SLCO2B1: variants seen among roughly 807,000 people sequenced by gnomAD.
SLCO2B1 encodes the protein solute carrier organic anion transporter family member 2B1.
Under a neutral mutation model 67.3 loss-of-function variants are expected in SLCO2B1, and 41 were observed. The observed-to-expected ratio is 0.61, with a 90% CI of 0.47 to 0.79. The LOEUF (loss-of-function observed/expected upper bound fraction) is 0.79, where lower values mean the gene tolerates loss of function less well. Among genes scored for constraint, SLCO2B1 ranks in the 30% least tolerant of loss-of-function variants. The pLI is 0.00. For missense variants in SLCO2B1, 837 were observed against 920.1 expected, an observed-to-expected ratio of 0.91 and a Z score of 1.17; for synonymous variants, 379 against 381.4, an observed-to-expected ratio of 0.99 and a Z score of 0.07.
rs752763309 is a variant in SLCO2B1 at position 75,188,188 on chromosome 11, A to G, written c.1025A>G (p.Asp342Gly). 6.2e-7 allele frequency: 1 copy of G among 1,614,142 alleles called. No individual in the cohort carries two copies. The highest frequency in any genetic ancestry group is 8.5e-7 in the Non-Finnish European group (1 of 1,179,994). The change falls in exon 8 of 14, where the codon GAT (aspartate) becomes GGT (glycine). Residue 342 changes from aspartate to glycine, a missense_variant. By Grantham distance (94) the Asp-to-Gly change is moderately conservative (BLOSUM62 -1). Coordinates refer to ENST00000289575, the MANE Select transcript of SLCO2B1 (RefSeq NM_007256.5). Reference sequence around the variant, plus strand: ...CCTGGGGAGTCCACGAAGAAGCAGGATGGCCTAGTCCAGATTGCACCAAAC... The same window carrying G: ...CCTGGGGAGTCCACGAAGAAGCAGGGTGGCCTAGTCCAGATTGCACCAAAC... ...QSPGESTKKQ[D>G]GLVQIAPNLT...
chr11:75,198,259 A>AACTG (rs775300424), intron 10 of SLCO2B1, among the ~76,000 whole-genome samples: 121 of 152,328 alleles, frequency 7.9e-4, no homozygotes, highest in Admixed American at 1.6e-3. Flanking sequence ...TTAGGCCTCT[A>AACTG]ACTGACTCTG....
At chr11:75,169,819 A>G (rs761328803) in intron 6 of SLCO2B1, 55 bp downstream of exon 6, 2 of 1,443,120 alleles carry the variant, frequency 1.4e-6, no homozygotes, top group Admixed American at 3.4e-5. Context: ...TGCCACTCTC[A>G]TAGGAGACAT....
intron 6 of SLCO2B1, 35 bp downstream of exon 6, chr11:75,169,799 G>A (rs2140313735): frequency 6.4e-7 from 1 of 1,560,494 alleles, no homozygotes; most frequent in Non-Finnish European, 8.8e-7. Flanking sequence ...CTAGACCCTA[G>A]CTAACTGACT....
At chr11:75,198,170 G>C (rs1945129140) in intron 10 of SLCO2B1, among the ~76,000 whole-genome samples, 1 of 152,206 alleles carries the variant, frequency 6.6e-6, no homozygotes, top group African/African-American at 2.4e-5. Context: ...CTGGGCCTGA[G>C]AGCCCTTCCA....
chr11:75,196,415 T>C, intron 9 of SLCO2B1, 99 bp from the exon 10 acceptor site: 1 of 1,220,458 alleles, frequency 8.2e-7, no homozygotes. Flanking sequence ...GGAGCTGAAA[T>C]CTCTGGCCAT....
chr11:75,166,218 A>G (rs985036160), intron 4 of SLCO2B1, among the ~76,000 whole-genome samples: 3 of 152,034 alleles, frequency 2.0e-5, no homozygotes, highest in African/African-American at 4.8e-5. Flanking sequence ...GTGGGGGTGA[A>G]TTTACAACAC....
At chr11:75,186,520 T>C (rs1368152886) in intron 7 of SLCO2B1, among the ~76,000 whole-genome samples, 6 of 151,804 alleles carry the variant, frequency 4.0e-5, no homozygotes, top group Non-Finnish European at 7.4e-5. Context: ...ATTTTTTTTT[T>C]ATTTTTATTT....
intron 9 of SLCO2B1, 38 bp from the exon 10 acceptor site, chr11:75,196,476 G>C: frequency 6.3e-7 from 1 of 1,597,486 alleles, no homozygotes; most frequent in Non-Finnish European, 8.5e-7. Flanking sequence ...CTAAGGGAGG[G>C]AAGCCAGGCC....
chr11:75,157,953 A>G (rs1451604742), intron 1 of SLCO2B1, among the ~76,000 whole-genome samples: 6 of 152,170 alleles, frequency 3.9e-5, no homozygotes, highest in African/African-American at 1.4e-4. Context: ...GCCTGGCCCA[A>G]ATTTATTTAA....
intron 7 of SLCO2B1, among the ~76,000 whole-genome samples, chr11:75,184,818 T>C (rs969497789): frequency 1.3e-5 from 2 of 152,108 alleles, no homozygotes; most frequent in Non-Finnish European, 2.9e-5. Context: ...TTAGGGAAGA[T>C]GGTATTCTTT....
intron 10 of SLCO2B1, among the ~76,000 whole-genome samples, chr11:75,197,932 C>T (rs2140342718): frequency 6.6e-6 from 1 of 152,338 alleles, no homozygotes; most frequent in African/African-American, 2.4e-5. Context: ...TCTGCCTTCT[C>T]AGGCCCCCAG....
intron 2 of SLCO2B1, among the ~76,000 whole-genome samples, chr11:75,163,409 T>G (rs1949847335): frequency 6.6e-6 from 1 of 152,094 alleles, no homozygotes; most frequent in Admixed American, 6.5e-5. Flanking sequence ...GGGGTGGGGT[T>G]CAGTGTGTGC....
chr11:75,202,826 C>A (rs1488714002), intron 11 of SLCO2B1, 75 bp from the exon 12 acceptor site: 2 of 1,270,570 alleles, frequency 1.6e-6, no homozygotes, highest in South Asian at 1.2e-5. Flanking sequence ...TAATAAGAAC[C>A]CTTCAACGTT....
intron 7 of SLCO2B1, among the ~76,000 whole-genome samples, chr11:75,179,218 ATTTTT>A (rs373993870): frequency 1.5e-5 from 1 of 66,648 alleles, no homozygotes; most frequent in African/African-American, 6.2e-5. Flanking sequence ...GATACATGAG[ATTTTT>A]TTTTTTTTTT....
chr11:75,204,349 A>G (rs1356263270), intron 13 of SLCO2B1, 51 bp from the exon 14 acceptor site: 4 of 1,529,058 alleles, frequency 2.6e-6, no homozygotes, highest in Admixed American at 2.0e-5. Context: ...GCTGACGTCC[A>G]TGCCCTGGCC....
intron 1 of SLCO2B1, among the ~76,000 whole-genome samples, chr11:75,155,934 T>C (rs1158512838): frequency 6.6e-6 from 1 of 152,090 alleles, no homozygotes; most frequent in Non-Finnish European, 1.5e-5. Flanking sequence ...GTACGTGGGA[T>C]GGGACTGGCT....
Position 75,196,582 on chromosome 11 carries a change from A to G in SLCO2B1, c.1502A>G (p.Asn501Ser), listed in dbSNP as rs774081148. ...EACSCPLDGF[N>S]PVCDPSTRVE... ...TGCTCCTGCCCATTGGACGGCTTTA[A>G]CCCTGTCTGCGACCCCAGCACTCGT... The change falls in exon 10 of 14, where the codon AAC (asparagine) becomes AGC (serine). Residue 501 changes from asparagine (N) to serine (S), a missense_variant. Asn to Ser is a conservative substitution (Grantham distance 46). Transcript: ENST00000289575. 1 of 1,614,070 alleles carries G rather than the reference A, an allele frequency of 6.2e-7. No individual in the cohort carries two copies. Among genetic ancestry groups the G allele is most frequent in the Non-Finnish European group, 8.5e-7 (1 of 1,180,014 alleles).
chr11:75,164,166 C>G (rs891023805), intron 3 of SLCO2B1, 66 bp downstream of exon 3: 1 of 1,526,664 alleles, frequency 6.6e-7, no homozygotes, highest in Admixed American at 1.9e-5. Flanking sequence ...TTCCACCAGC[C>G]TCCCCTCTCA....
At chr11:75,154,560 GC>G in intron 1 of SLCO2B1, among the ~76,000 whole-genome samples, 1 of 152,272 alleles carries the variant, frequency 6.6e-6, no homozygotes, top group Non-Finnish European at 1.5e-5. Context: ...TCTGTTACCT[GC>G]CCAAGGCCAT....
Sources: allele counts gnomAD v4.1 joint callset (sites outside exome capture counted in the v4.1 genomes callset), GRCh38; gene constraint gnomAD v4.1.1; transcripts MANE v1.5; gene names NCBI Gene and HGNC (gene_info 2026-07-23, HGNC 2026-07-21).